SPI1: variants seen among roughly 807,000 people sequenced by gnomAD.
The protein encoded by SPI1 is Spi-1 proto-oncogene.
SPI1 carries 3 observed loss-of-function variants against 30.7 expected under a neutral mutation model. The ratio of observed to expected loss-of-function variants is 0.10; its 90% confidence interval spans 0.04 to 0.25. SPI1 has a LOEUF of 0.25. Ranked by LOEUF, SPI1 falls within the 10% of genes least tolerant of loss-of-function variation. The probability of loss-of-function intolerance (pLI) is 1.00; values close to 1 mark genes in which losing one functional copy is unlikely to be tolerated. For missense variants in SPI1, 261 were observed against 371.5 expected (o/e 0.70, Z 2.45); for synonymous variants, 169 against 157.1 (o/e 1.08, Z -0.56).
At position 47,356,024 on chromosome 11, in the gene SPI1, TCA is replaced by T. The variant is rs765539590; in HGVS notation, c.494-480_494-479del. On this transcript the variant is annotated intron_variant, in intron 4 of 4. Transcript: ENST00000378538. ...AATGTATCTGATCACACACATGCTG[TCA>T]CACACATGCACACACAATGCACGTG... Among the ~76,000 whole-genome samples the T allele has an allele frequency of 1.3e-3, 199 of 149,646 alleles. 3 individuals are homozygous for T. The highest frequency in any genetic ancestry group is 7.4e-4 in the African/African-American group (30 of 40,356).
At chr11:47,366,020 T>C (rs1392729413) in intron 2 of SPI1, among the ~76,000 whole-genome samples, 3 of 152,092 alleles carry the variant, frequency 2.0e-5, no homozygotes, top group East Asian at 3.9e-4. Flanking sequence ...TAATGAGTAC[T>C]TTTATCCACC....
chr11:47,364,100 G>C (rs1300410085), intron 2 of SPI1, among the ~76,000 whole-genome samples: 2 of 129,642 alleles, frequency 1.5e-5, no homozygotes, highest in Non-Finnish European at 3.3e-5. Flanking sequence ...GCCCAGGCTG[G>C]AGTGCAGTGG....
At chr11:47,365,086 T>C (rs1365907186) in intron 2 of SPI1, among the ~76,000 whole-genome samples, 1 of 152,166 alleles carries the variant, frequency 6.6e-6, no homozygotes, top group Non-Finnish European at 1.5e-5. Flanking sequence ...GAGCCCTCTG[T>C]GAGAACACAA....
At chr11:47,376,933 C>T (rs1488680645) in intron 1 of SPI1, among the ~76,000 whole-genome samples, 3 of 152,188 alleles carry the variant, frequency 2.0e-5, no homozygotes, top group African/African-American at 4.8e-5. Context: ...CATCTAGCTC[C>T]ACCTGGAGTT....
chr11:47,373,256 G>A (rs1463056573), intron 2 of SPI1, among the ~76,000 whole-genome samples: 1 of 152,148 alleles, frequency 6.6e-6, no homozygotes, highest in East Asian at 1.9e-4. Flanking sequence ...GGAGGCTGAG[G>A]CAGGAGAATC....
rs1333138894 is a variant in SPI1, at chr11:47,360,037, T to C, written c.146A>G (p.His49Arg). ...GTGGTGGGGGTGGAAGTCCCAGTAA[T>C]GGTCTGTGGGGGACAGCCAGGCAGT... is the stretch of plus-strand genomic sequence containing the variant. The part of the protein sequence containing the change: ...LSSDGESHSD[H>R]YWDFHPHHVH... Residue 49 changes from histidine (H) to arginine (R), a missense_variant, in exon 3 of 5, where the codon CAT becomes CGT. By Grantham distance (29) the His-to-Arg change is conservative. Coordinates refer to ENST00000378538, the MANE Select transcript of SPI1 (RefSeq NM_003120.3). The C allele has an allele frequency of 6.4e-7, 1 of 1,563,742 alleles. No homozygotes were observed. Among genetic ancestry groups the C allele is most frequent in the African/African-American group, 1.3e-5 (1 of 74,194 alleles).
intron 1 of SPI1, among the ~76,000 whole-genome samples, chr11:47,377,416 G>A (rs1237213864): frequency 6.6e-6 from 1 of 152,116 alleles, no homozygotes; most frequent in South Asian, 2.1e-4. Flanking sequence ...AAGGGAGAAG[G>A]GTCCTTTCCG....
rs1055267241 is a variant in SPI1, at chr11:47,378,391, G to T, written c.-38C>A. The T allele has an allele frequency of 6.2e-7, 1 of 1,601,892 alleles. No homozygotes were observed. The highest frequency in any genetic ancestry group is 8.5e-7 in the Non-Finnish European group (1 of 1,174,328). ...CGAGTCGGTCAGATCCCCTGCCTCG[G>T]TGGGGGCCAATGCAGAGCCCCTCAG... On this transcript the variant is annotated 5_prime_UTR_variant, in exon 1 of 5. Transcript: ENST00000378538.
chr11:47,357,755 G>C (rs974969219), intron 4 of SPI1, among the ~76,000 whole-genome samples: 1 of 152,086 alleles, frequency 6.6e-6, no homozygotes, highest in African/African-American at 2.4e-5. Context: ...TAGTGGAGAC[G>C]GGGTTTCGCC....
At chr11:47,370,650 A>T (rs571439858) in intron 2 of SPI1, among the ~76,000 whole-genome samples, 20 of 152,270 alleles carry the variant, frequency 1.3e-4, no homozygotes, top group African/African-American at 3.4e-4. Context: ...TGCAGTGAGC[A>T]GAGATTGCGC....
At chr11:47,357,318 TCA>T (rs2095912640) in intron 4 of SPI1, among the ~76,000 whole-genome samples, 3 of 149,542 alleles carry the variant, frequency 2.0e-5, no homozygotes, top group Non-Finnish European at 4.4e-5. Context: ...ACCAGCTCTT[TCA>T]CACCTCATTG....
intron 2 of SPI1, among the ~76,000 whole-genome samples, chr11:47,362,931 A>AT (rs1488298799): frequency 1.1e-4 from 10 of 92,204 alleles, no homozygotes; most frequent in Middle Eastern, 4.8e-3. Flanking sequence ...GCTTACAAAA[A>AT]ATTTTTTTTA....
chr11:47,357,774 C>T (rs2095913815), intron 4 of SPI1, among the ~76,000 whole-genome samples: 1 of 152,172 alleles, frequency 6.6e-6, no homozygotes, highest in African/African-American at 2.4e-5. Context: ...CCATGTTGGC[C>T]AGGCTGGTCT....
chr11:47,356,752 T>C (rs548606528), intron 4 of SPI1, among the ~76,000 whole-genome samples: 2 of 141,954 alleles, frequency 1.4e-5, no homozygotes, highest in East Asian at 4.3e-4. Flanking sequence ...CACTCACACA[T>C]ATCCACTCAC....
chr11:47,366,868 A>G (rs1565641724), intron 2 of SPI1, among the ~76,000 whole-genome samples: 1 of 149,420 alleles, frequency 6.7e-6, no homozygotes, highest in Non-Finnish European at 1.5e-5. Context: ...GGCTCAGAGA[A>G]CAGAGAACTG....
chr11:47,359,737 A>G lies in SPI1; in HGVS notation c.330+116T>C, dbSNP rs1037048988. 8.3e-7 allele frequency: 1 copy of G among 1,209,128 alleles called. No individual in the cohort carries two copies. Among genetic ancestry groups the G allele is most frequent in the African/African-American group, 1.5e-5 (1 of 66,798 alleles). 74.9% of individuals were successfully genotyped at this position (1,209,128 alleles called of 1,614,324 possible). On this transcript the variant is annotated intron_variant, in intron 3 of 4. Coordinates refer to ENST00000378538, the MANE Select transcript of SPI1 (RefSeq NM_003120.3). The surrounding 1 kb of genome is among the most constrained non-coding windows in gnomAD (Gnocchi z 5.1). ...CGTTGGAGCTCCAGCCGCCGTTGGCACTGTGGGGCAGGAAGCTGAGTTGGG... is the reference window on the plus strand; with the variant it reads ...CGTTGGAGCTCCAGCCGCCGTTGGCGCTGTGGGGCAGGAAGCTGAGTTGGG...
rs78117426 is a variant in SPI1 at position 47,365,334 on chromosome 11, C to T, written c.143-5294G>A. Reference sequence around the variant, plus strand: ...GCTCTGGACCCTCATTTCTACAGACCGGTAGGCACCCAACAGGCAGTAGAT... The same window carrying T: ...GCTCTGGACCCTCATTTCTACAGACTGGTAGGCACCCAACAGGCAGTAGAT... On this transcript the variant is annotated intron_variant, in intron 2 of 4. Coordinates refer to ENST00000378538, the MANE Select transcript of SPI1 (RefSeq NM_003120.3). Among the ~76,000 whole-genome samples the T allele has an allele frequency of 1.2e-4, 19 of 152,242 alleles. No individual in the cohort carries two copies. The South Asian group carries it at 1.5e-3, about 12-fold the overall frequency.
chr11:47,356,652 CAT>C (rs913455221), intron 4 of SPI1, among the ~76,000 whole-genome samples: 41 of 151,864 alleles, frequency 2.7e-4, no homozygotes, highest in African/African-American at 9.4e-4. Flanking sequence ...CCTGCTTACA[CAT>C]CTTACACTGC....
At chr11:47,355,636 G>A (rs568247487) in intron 4 of SPI1, 90 bp from the exon 5 acceptor site, 4 of 1,177,622 alleles carry the variant, frequency 3.4e-6, no homozygotes, top group Non-Finnish European at 4.6e-6. Flanking sequence ...GCCCGGGGAC[G>A]GGGTGGCCGG....
Sources: gnomAD v4.1 joint callset for allele counts (sites outside exome capture counted in the v4.1 genomes callset) on GRCh38, gnomAD v4.1.1 for gene constraint, Gnocchi (gnomAD v3.1) non-coding constraint, MANE v1.5 for transcripts, NCBI Gene and HGNC (gene_info 2026-07-23, HGNC 2026-07-21) for gene names.